The following LRRC24 variants were observed in gnomAD, a reference collection of about 807,000 sequenced individuals.
The protein encoded by LRRC24 is leucine rich repeat containing 24, also known as leucine-rich repeat-containing protein 24.
LRRC24 carries 19 observed loss-of-function variants against 15.3 expected under a neutral mutation model. The ratio of observed to expected loss-of-function variants is 1.25; its 90% CI spans 0.87 to 1.83. LRRC24 has a LOEUF of 1.83. Ranked by LOEUF, LRRC24 falls within the 40% of genes most tolerant of loss-of-function variation. LRRC24 has a pLI of 0.00. For synonymous variants in LRRC24, 469 were observed against 359.6 expected (o/e 1.30, Z -3.44); for missense variants, 914 against 723.9 (o/e 1.26, Z -3.01).
At chr8:144,525,693 G>A (rs1006985484) in intron 1 of LRRC24, 1 of 152,194 alleles carries the variant, frequency 6.6e-6, no homozygotes, top group Non-Finnish European at 1.5e-5. Flanking sequence ...TGGGGGATGA[G>A]AAAAATAATA....
Position 144,522,638 on chromosome 8 carries a change from T to A in LRRC24, c.1379A>T (p.Glu460Val). The A allele has an allele frequency of 1.3e-6, 2 of 1,584,086 alleles. No individual in the cohort carries two copies. Among genetic ancestry groups the A allele is most frequent in the Non-Finnish European group, 1.7e-6 (2 of 1,167,342 alleles). The change falls in exon 5 of 5, where the codon GAG becomes GTG. Residue 460 changes from glutamate to valine, a missense_variant. Glu to Val is a moderately radical substitution (Grantham distance 121). Coordinates refer to ENST00000529415, the MANE Select transcript of LRRC24 (RefSeq NM_001024678.4). ...LDGPCTFAQLEELRDERGHEM... is the reference protein window; with the variant it reads ...LDGPCTFAQLVELRDERGHEM... ...GTGGCCGCGCTCGTCGCGGAGCTCC[T>A]CTAGCTGTGCGAACGTACAGGGGCC...
intron 4 of LRRC24, 72 bp downstream of exon 4, chr8:144,524,038 C>T: frequency 6.5e-7 from 1 of 1,529,536 alleles, no homozygotes; most frequent in Non-Finnish European, 8.9e-7. Context: ...GTCAGAGCCC[C>T]TCCACACATG....
rs1273209468 is a variant in LRRC24 at position 144,522,562 on chromosome 8, C to G, written c.1455G>C (p.Ala485=). 1.3e-6 allele frequency: 2 copies of G among 1,547,376 alleles called. No individual in the cohort carries two copies. The highest frequency in any genetic ancestry group is 1.7e-6 in the Non-Finnish European group (2 of 1,149,270). Residue 485 remains alanine (A), a synonymous_variant, in exon 5 of 5, where the codon GCG becomes GCC. Coordinates refer to ENST00000529415, the MANE Select transcript of LRRC24 (RefSeq NM_001024678.4). ...RSKPLFAEGP[A]EAPADCGPEQ... ...CCGGGCCGCAGTCAGCGGGCGCCTCCGCCGGACCCTCGGCGAAGAGCGGCT... is the reference window on the plus strand; with the variant it reads ...CCGGGCCGCAGTCAGCGGGCGCCTCGGCCGGACCCTCGGCGAAGAGCGGCT...
rs770942224 is a variant in LRRC24 at position 144,523,128 on chromosome 8, G to C, written c.889C>G (p.Pro297Ala). 7 of 1,610,174 alleles carry C rather than the reference G, an allele frequency of 4.3e-6. No individual in the cohort carries two copies. The highest frequency in any genetic ancestry group is 1.6e-4 in the Middle Eastern group (1 of 6,080). ...CGCGGCCGGCCCTCGCGAGGCTGGGGCACCTTTCTCCAGGTCACCAATGGC... is the reference window on the plus strand; with the variant it reads ...CGCGGCCGGCCCTCGCGAGGCTGGGCCACCTTTCTCCAGGTCACCAATGGC... ...PQPLVTWRKV[P>A]QPREGRPRAQ... Residue 297 changes from proline to alanine, a missense_variant, in exon 5 of 5, where the codon CCC becomes GCC. Pro to Ala is a conservative substitution (Grantham distance 27). Transcript: ENST00000529415.
chr8:144,522,465 G>A lies in LRRC24; in HGVS notation c.*10C>T. ...TCTCCGGCGCCCACGTCATCCGCGC[G>A]CCCGCGGCCCTAGCAGTGGATCTCG... is the stretch of plus-strand genomic sequence containing the variant. On this transcript the variant is annotated 3_prime_UTR_variant, in exon 5 of 5. Coordinates refer to ENST00000529415, the MANE Select transcript of LRRC24 (RefSeq NM_001024678.4). The A allele has an allele frequency of 2.8e-6, 4 of 1,407,130 alleles. No individual in the cohort carries two copies. The highest frequency in any genetic ancestry group is 1.6e-5 in the South Asian group (1 of 64,414). 87.2% of individuals were successfully genotyped at this position (1,407,130 alleles called of 1,614,324 possible). A position where few individuals can be genotyped will look rare whatever the true frequency, so the allele number is the denominator to read the frequency against.
At position 144,522,510 on chromosome 8, in the gene LRRC24, C is replaced by G. The variant is rs771935827; in HGVS notation, c.1507G>C (p.Val503Leu). The G allele has an allele frequency of 8.0e-6, 12 of 1,498,710 alleles. No homozygotes were observed. Among genetic ancestry groups the G allele is most frequent in the African/African-American group, 1.4e-5 (1 of 69,052 alleles). The allele number at this position is 1,498,710 out of a possible 1,614,324, so 92.8% of individuals were successfully genotyped here. A position where few individuals can be genotyped will look rare whatever the true frequency, so the allele number is the denominator to read the frequency against. Reference protein sequence around the residue: ...PEQGAGPGLRVPPPVAYEIHC With the variant: ...PEQGAGPGLRLPPPVAYEIHC Reference sequence around the variant, plus strand: ...ATCTCGTAGGCGACCGGCGGGGGCACGCGGAGTCCCGGCCCCGCCCCCTGT... The same window carrying G: ...ATCTCGTAGGCGACCGGCGGGGGCAGGCGGAGTCCCGGCCCCGCCCCCTGT... The change falls in exon 5 of 5, where the codon GTG becomes CTG. Residue 503 changes from valine (V) to leucine (L), a missense_variant. Transcript: ENST00000529415.
In LRRC24 at chr8:144,524,629, T is replaced by C; in HGVS notation, c.250A>G (p.Asn84Asp). ...AALRRLYLHN[N>D]SLRALEAGAF... ...CCGGCCTCCAGGGCGCGCAGGCTGT[T>C]GTTGTGCAGGTAGAGCCGGCGCAGA... Residue 84 changes from asparagine to aspartate, a missense_variant, in exon 3 of 5, where the codon AAC becomes GAC. By Grantham distance (23) the Asn-to-Asp change is conservative (BLOSUM62 1). Transcript: ENST00000529415. 6.6e-7 allele frequency: 1 copy of C among 1,522,428 alleles called. No homozygotes were observed. Among genetic ancestry groups the C allele is most frequent in the Middle Eastern group, 1.8e-4 (1 of 5,540 alleles). 94.3% of individuals were successfully genotyped at this position (1,522,428 alleles called of 1,614,324 possible).
Position 144,522,514 on chromosome 8 carries a change from G to GAGTCCC in LRRC24, c.1497_1502dup (p.Gly500_Leu501dup), listed in dbSNP as rs771197556. ...CGTAGGCGACCGGCGGGGGCACGCG[G>GAGTCCC]AGTCCCGGCCCCGCCCCCTGTTCCG... is the stretch of plus-strand genomic sequence containing the variant. On this transcript the variant is annotated inframe_insertion, in exon 5 of 5. Transcript: ENST00000529415. 3.9e-5 allele frequency: 59 copies of GAGTCCC among 1,503,222 alleles called. No homozygotes were observed. Among genetic ancestry groups the GAGTCCC allele is most frequent in the East Asian group, 8.2e-5 (3 of 36,672 alleles). The allele number at this position is 1,503,222 out of a possible 1,614,324, so 93.1% of individuals were successfully genotyped here.
intron 1 of LRRC24, 84 bp from the exon 2 acceptor site, chr8:144,525,117 T>C (rs1011091466): frequency 1.1e-6 from 1 of 925,784 alleles, no homozygotes; most frequent in Admixed American, 3.8e-5. Flanking sequence ...CGTCTAACTT[T>C]TGACGCTATA....
chr8:144,523,371 C>G lies in LRRC24; in HGVS notation c.646G>C (p.Gly216Arg), dbSNP rs200030559. 26 of 1,569,702 alleles carry G rather than the reference C, an allele frequency of 1.7e-5. No individual in the cohort carries two copies. Among genetic ancestry groups the G allele is most frequent in the Non-Finnish European group, 7.8e-6 (9 of 1,155,664 alleles). ...WRCDCALHWLGAWIKEGGQRL... is the reference protein window; with the variant it reads ...WRCDCALHWLRAWIKEGGQRL... ...TGGCCGCCCTCCTTGATCCAGGCAC[C>G]CAGCCAGTGCAGGGCGCAGTCACAG... The change falls in exon 5 of 5, where the codon GGT (glycine) becomes CGT (arginine). Residue 216 changes from glycine (G) to arginine (R), a missense_variant. Transcript: ENST00000529415.
At position 144,522,918 on chromosome 8, in the gene LRRC24, G is replaced by T; in HGVS notation, c.1099C>A (p.Gln367Lys). The T allele has an allele frequency of 6.9e-7, 1 of 1,452,664 alleles. No homozygotes were observed. The highest frequency in any genetic ancestry group is 2.9e-5 in the East Asian group (1 of 34,720). The allele number at this position is 1,452,664 out of a possible 1,614,324, so 90.0% of individuals were successfully genotyped here. A position where few individuals can be genotyped will look rare whatever the true frequency, so the allele number is the denominator to read the frequency against. The change falls in exon 5 of 5, where the codon CAG becomes AAG. Residue 367 changes from glutamine (Q) to lysine (K), a missense_variant. Gln to Lys is a moderately conservative substitution (Grantham distance 53, BLOSUM62 1). Transcript: ENST00000529415. ...GGTTGCGCGGGCTGCTGCGGCTGCT[G>T]CCGGGACGCGTTGACCAGGAGCCGG... is the stretch of plus-strand genomic sequence containing the variant. ...PFRLLVNASR[Q>K]QPQQPAQPPP...
Position 144,522,713 on chromosome 8 carries a change from G to T in LRRC24, c.1304C>A (p.Ala435Glu), listed in dbSNP as rs534786173. Residue 435 changes from alanine to glutamate, a missense_variant, in exon 5 of 5, where the codon GCG becomes GAG. Coordinates refer to ENST00000529415, the MANE Select transcript of LRRC24 (RefSeq NM_001024678.4). ...ICRRRRRRKK[A>E]RGPPGEGALF... ...CGCTCCCTCCCCCGGAGGCCCCCGC[G>T]CCTTTTTTCGCCTGCGGCGCCGGCG... is the stretch of plus-strand genomic sequence containing the variant. The T allele has an allele frequency of 6.9e-6, 11 of 1,595,296 alleles. No individual in the cohort carries two copies. Among genetic ancestry groups the T allele is most frequent in the Middle Eastern group, 1.7e-4 (1 of 5,980 alleles).
At chr8:144,523,519 T>C (rs1308191505) in intron 4 of LRRC24, 110 bp from the exon 5 acceptor site, 5 of 1,406,028 alleles carry the variant, frequency 3.6e-6, no homozygotes, top group Non-Finnish European at 4.6e-6. Flanking sequence ...TCCCACAGCG[T>C]TTTCACACGG....
At chr8:144,523,590 C>T in intron 4 of LRRC24, 181 bp from the exon 5 acceptor site, 2 of 889,450 alleles carry the variant, frequency 2.2e-6, no homozygotes, top group South Asian at 2.7e-5. Context: ...AGGCCCTTCA[C>T]CCTCGCCCCC....
In LRRC24 at chr8:144,522,788, G is replaced by A. The variant is rs866841814; in HGVS notation, c.1229C>T (p.Ala410Val). The change falls in exon 5 of 5, where the codon GCC becomes GTC. Residue 410 changes from alanine to valine, a missense_variant. By Grantham distance (64) the Ala-to-Val change is moderately conservative (BLOSUM62 0). Coordinates refer to ENST00000529415, the MANE Select transcript of LRRC24 (RefSeq NM_001024678.4). ...CGCCGTGAGCGCCAGCAGCGCGATGGCCGCCGCAATGGCCGTCTGTGTGGC... is the reference window on the plus strand; with the variant it reads ...CGCCGTGAGCGCCAGCAGCGCGATGACCGCCGCAATGGCCGTCTGTGTGGC... ...GVATQTAIAA[A>V]IALLALTALL... The A allele has an allele frequency of 6.4e-7, 1 of 1,551,656 alleles. No individual in the cohort carries two copies.
Position 144,522,786 on chromosome 8 carries a change from T to G in LRRC24, c.1231A>C (p.Ile411Leu). 2 of 1,553,540 alleles carry G rather than the reference T, an allele frequency of 1.3e-6. No individual in the cohort carries two copies. The highest frequency in any genetic ancestry group is 1.9e-4 in the Middle Eastern group (1 of 5,256). The change falls in exon 5 of 5, where the codon ATC (isoleucine) becomes CTC (leucine). Residue 411 changes from isoleucine (I) to leucine (L), a missense_variant. Ile to Leu is a conservative substitution (Grantham distance 5, BLOSUM62 2). Transcript: ENST00000529415. ...AGCGCCGTGAGCGCCAGCAGCGCGA[T>G]GGCCGCCGCAATGGCCGTCTGTGTG... ...VATQTAIAAA[I>L]ALLALTALLL... is the part of the protein sequence containing the mutation.
chr8:144,522,546 A>T lies in LRRC24; in HGVS notation c.1471T>A (p.Cys491Ser), dbSNP rs774758540. The T allele has an allele frequency of 3.3e-6, 5 of 1,531,580 alleles. No homozygotes were observed. The highest frequency in any genetic ancestry group is 3.5e-6 in the Non-Finnish European group (4 of 1,141,508). The allele number at this position is 1,531,580 out of a possible 1,614,324, so 94.9% of individuals were successfully genotyped here. Residue 491 changes from cysteine (C) to serine (S), a missense_variant, in exon 5 of 5, where the codon TGC becomes AGC. Transcript: ENST00000529415. Reference protein sequence around the residue: ...AEGPAEAPADCGPEQGAGPGL... With the variant: ...AEGPAEAPADSGPEQGAGPGL... ...GGCCCCGCCCCCTGTTCCGGGCCGC[A>T]GTCAGCGGGCGCCTCCGCCGGACCC... is the stretch of plus-strand genomic sequence containing the variant.
chr8:144,525,822 G>A (rs1179945438), intron 1 of LRRC24: 1 of 152,198 alleles, frequency 6.6e-6, no homozygotes, highest in Non-Finnish European at 1.5e-5. Context: ...GGACGCCTTG[G>A]GCCACCAACT....
chr8:144,527,009 GC>G lies in LRRC24; in HGVS notation c.-110del, dbSNP rs1816388471. The G allele has an allele frequency of 6.5e-6, 1 of 154,036 alleles. No homozygotes were observed. Among genetic ancestry groups the G allele is most frequent in the African/African-American group, 2.4e-5 (1 of 41,248 alleles). 9.5% of individuals were successfully genotyped at this position (154,036 alleles called of 1,614,324 possible). On this transcript the variant is annotated 5_prime_UTR_variant, in exon 1 of 5. Transcript: ENST00000529415. Reference sequence around the variant, plus strand: ...CCCCCGCCGTGCAGGTGGCGGCCGGGCCCGAGCAGTCGCCGGGCTGGGAGGG... The same window carrying G: ...CCCCCGCCGTGCAGGTGGCGGCCGGGCCGAGCAGTCGCCGGGCTGGGAGGG...
Sources: allele counts gnomAD v4.1 joint callset, GRCh38; gene constraint gnomAD v4.1.1; transcripts MANE v1.5; gene names NCBI Gene and HGNC (gene_info 2026-07-23, HGNC 2026-07-21).